DPYD: variants seen among roughly 807,000 people sequenced by gnomAD.
DPYD encodes dihydropyrimidine dehydrogenase [NADP(+)].
Under a neutral mutation model 116.2 loss-of-function variants are expected in DPYD, and 109 were observed. The ratio of observed to expected loss-of-function variants is 0.94; its 90% confidence interval spans 0.80 to 1.10. DPYD has a LOEUF of 1.10. DPYD is among the 50% of genes least tolerant of loss of function. DPYD has a pLI of 0.00. For synonymous variants in DPYD, 440 were observed against 432.0 expected (o/e 1.02, Z -0.23); for missense variants, 1,302 against 1,254.5 (o/e 1.04, Z -0.57).
intron 1 of DPYD, among the ~76,000 whole-genome samples, chr1:97,900,221 G>C (rs919907823): frequency 2.0e-5 from 3 of 151,896 alleles, no homozygotes; most frequent in African/African-American, 7.2e-5. Flanking sequence ...AGAATGGAAA[G>C]ACAGAAACCT....
At chr1:97,480,001 C>T (rs564129149) in intron 13 of DPYD, among the ~76,000 whole-genome samples, 1 of 152,070 alleles carries the variant, frequency 6.6e-6, no homozygotes, top group Non-Finnish European at 1.5e-5. Flanking sequence ...CTTTTTTTCC[C>T]TAATATAGAA....
chr1:97,883,185 A>G, intron 2 of DPYD, 79 bp downstream of exon 2: 1 of 875,898 alleles, frequency 1.1e-6, no homozygotes, highest in Non-Finnish European at 1.9e-6. Context: ...CCTTATTTCT[A>G]AGTGTATGTA....
At chr1:97,587,842 A>G (rs1281238903) in intron 10 of DPYD, among the ~76,000 whole-genome samples, 7 of 151,726 alleles carry the variant, frequency 4.6e-5, no homozygotes, top group Admixed American at 2.0e-4. Context: ...AAAAAAAGAA[A>G]AAAAAAAAAG....
chr1:97,578,034 C>T (rs1240240754), intron 10 of DPYD, among the ~76,000 whole-genome samples: 3 of 151,744 alleles, frequency 2.0e-5, no homozygotes, highest in African/African-American at 4.8e-5. Context: ...TTAGTAGAGA[C>T]GGGGTTTCAC....
At chr1:97,865,261 C>T (rs1210905503) in intron 2 of DPYD, among the ~76,000 whole-genome samples, 1 of 151,796 alleles carries the variant, frequency 6.6e-6, no homozygotes, top group Non-Finnish European at 1.5e-5. Context: ...GTTGACTGAA[C>T]CATATGAGAT....
intron 16 of DPYD, among the ~76,000 whole-genome samples, chr1:97,327,670 T>C (rs1668774901): frequency 6.6e-6 from 1 of 152,004 alleles, no homozygotes; most frequent in African/African-American, 2.4e-5. Context: ...ATTCCCTATG[T>C]CACTAAGCTT....
intron 20 of DPYD, among the ~76,000 whole-genome samples, chr1:97,122,774 TA>T (rs1041332975): frequency 6.6e-6 from 1 of 152,104 alleles, no homozygotes; most frequent in Non-Finnish European, 1.5e-5. Context: ...TCCCTTCAGT[TA>T]AAAAAAGAAA....
chr1:97,838,955 C>G (rs1288354286), intron 2 of DPYD, among the ~76,000 whole-genome samples: 1 of 152,168 alleles, frequency 6.6e-6, no homozygotes, highest in Non-Finnish European at 1.5e-5. Flanking sequence ...GCTAGAACAA[C>G]AGGGACTATA....
intron 19 of DPYD, among the ~76,000 whole-genome samples, chr1:97,208,268 T>C (rs1251492902): frequency 6.6e-6 from 1 of 151,494 alleles, no homozygotes; most frequent in Non-Finnish European, 1.5e-5. Flanking sequence ...TTCTTTCTTT[T>C]TCTTTCTTCT....
At chr1:97,713,515 T>A (rs553654925) in intron 5 of DPYD, among the ~76,000 whole-genome samples, 1 of 152,242 alleles carries the variant, frequency 6.6e-6, no homozygotes, top group African/African-American at 2.4e-5. Context: ...TAAATCATTG[T>A]GCCAGTAAGG....
chr1:97,408,546 A>G (rs1304579162), intron 14 of DPYD, among the ~76,000 whole-genome samples: 1 of 152,072 alleles, frequency 6.6e-6, no homozygotes, highest in African/African-American at 2.4e-5. Context: ...TATTGTCTTT[A>G]TTTGGAGATT....
intron 3 of DPYD, among the ~76,000 whole-genome samples, chr1:97,810,004 C>T (rs1018573049): frequency 1.3e-4 from 19 of 151,834 alleles, no homozygotes; most frequent in East Asian, 3.9e-4. Flanking sequence ...AAACAAGCAC[C>T]GGCCGGGCGT....
At chr1:97,149,783 T>C (rs1348683882) in intron 20 of DPYD, among the ~76,000 whole-genome samples, 4 of 152,226 alleles carry the variant, frequency 2.6e-5, no homozygotes, top group African/African-American at 7.2e-5. Context: ...ACAGATTGCA[T>C]ACCCACAAAG....
intron 3 of DPYD, among the ~76,000 whole-genome samples, chr1:97,747,915 T>A (rs1664646829): frequency 6.6e-6 from 1 of 152,192 alleles, no homozygotes. Flanking sequence ...CATCAAATTG[T>A]TGCGATAATT....
At chr1:97,197,773 A>T (rs1658916687) in intron 19 of DPYD, among the ~76,000 whole-genome samples, 1 of 152,142 alleles carries the variant, frequency 6.6e-6, no homozygotes, top group South Asian at 2.1e-4. Flanking sequence ...GGTGTTTCAC[A>T]TAATTGGGAG....
intron 2 of DPYD, among the ~76,000 whole-genome samples, chr1:97,850,533 C>G (rs1388591231): frequency 6.6e-6 from 1 of 151,972 alleles, no homozygotes; most frequent in African/African-American, 2.4e-5. Flanking sequence ...TTCTTTAAAA[C>G]AAATGGATTT....
chr1:97,317,740 C>T (rs1217837581), intron 16 of DPYD, among the ~76,000 whole-genome samples: 1 of 151,906 alleles, frequency 6.6e-6, no homozygotes, highest in African/African-American at 2.4e-5. Context: ...GGAGCACCCA[C>T]CATGCTGATA....
At chr1:97,439,688 A>AC (rs1553175845) in intron 14 of DPYD, among the ~76,000 whole-genome samples, 1 of 149,846 alleles carries the variant, frequency 6.7e-6, no homozygotes, top group African/African-American at 2.5e-5. Context: ...GATGTTCTCT[A>AC]TTTTTTTTCT....
chr1:97,430,017 A>G (rs1675085274), intron 14 of DPYD, among the ~76,000 whole-genome samples: 1 of 152,144 alleles, frequency 6.6e-6, no homozygotes, highest in Non-Finnish European at 1.5e-5. Context: ...TTCCCTTGGT[A>G]AACAAACAGA....
Sources: allele counts gnomAD v4.1 joint callset (sites outside exome capture counted in the v4.1 genomes callset), GRCh38; gene constraint gnomAD v4.1.1; transcripts MANE v1.5; gene names NCBI Gene and HGNC (gene_info 2026-07-23, HGNC 2026-07-21).